The following FLYWCH1 variants were observed in gnomAD, a reference collection of about 807,000 sequenced individuals.
FLYWCH1 encodes the protein FLYWCH-type zinc finger-containing protein 1.
FLYWCH1 carries 75 observed loss-of-function variants against 66.4 expected under a neutral mutation model. The observed-to-expected ratio is 1.13, with a 90% CI of 0.94 to 1.37. The LOEUF is 1.37. Ranked by LOEUF, FLYWCH1 falls within the 40% of genes most tolerant of loss-of-function variation. FLYWCH1 has a pLI of 0.00. For missense variants in FLYWCH1, 1,334 were observed against 1,001.8 expected, an observed-to-expected ratio of 1.33 and a Z score of -4.48; for synonymous variants, 595 against 429.9, an observed-to-expected ratio of 1.38 and a Z score of -4.75.
intron 4 of FLYWCH1, among the ~76,000 whole-genome samples, chr16:2,932,308 G>A (rs2070793420): frequency 6.6e-6 from 1 of 151,254 alleles, no homozygotes; most frequent in African/African-American, 2.4e-5. Flanking sequence ...ATGGCTGGTG[G>A]GAGAGTCTTG....
intron 2 of FLYWCH1, among the ~76,000 whole-genome samples, chr16:2,923,488 C>T (rs964059993): frequency 5.3e-5 from 8 of 152,084 alleles, no homozygotes; most frequent in Non-Finnish European, 8.8e-5. Context: ...TCAGGTGATC[C>T]GCCCGCCTCA....
chr16:2,930,887 A>G lies in FLYWCH1; in HGVS notation c.796+7A>G. The G allele has an allele frequency of 6.3e-7, 1 of 1,578,792 alleles. No individual in the cohort carries two copies. Among genetic ancestry groups the G allele is most frequent in the Non-Finnish European group, 8.6e-7 (1 of 1,167,912 alleles). ...CGCTCGATCCTGGGGCTGGGTGAGT[A>G]CAATCCACTCCCCTGCTGCGTCCAC... On this transcript the variant is annotated splice_region_variant and intron_variant, in intron 4 of 9. Transcript: ENST00000253928.
At chr16:2,943,819 C>T (rs143475421) in intron 9 of FLYWCH1, among the ~76,000 whole-genome samples, 1 of 152,008 alleles carries the variant, frequency 6.6e-6, no homozygotes, top group Admixed American at 6.6e-5. Flanking sequence ...CACCCGTAAT[C>T]CCAGCTACTT....
rs544412540 is a variant in FLYWCH1, at chr16:2,949,422, G to C, written c.*695G>C. On this transcript the variant is annotated 3_prime_UTR_variant, in exon 10 of 10. Coordinates refer to ENST00000253928, the MANE Select transcript of FLYWCH1 (RefSeq NM_001308068.2). The stretch of plus-strand genomic sequence containing the variant: ...ATTCCCGAGATGGGAGCCAGTCCAG[G>C]GGTCAGCAGGAGCCAGCGCTGGGCA... 6.6e-6 allele frequency: 1 copy of C among 152,448 alleles called. No homozygotes were observed. Among genetic ancestry groups the C allele is most frequent in the Non-Finnish European group, 1.5e-5 (1 of 68,262 alleles). 9.4% of individuals were successfully genotyped at this position (152,448 alleles called of 1,614,324 possible).
chr16:2,923,891 T>A (rs960059398), intron 2 of FLYWCH1, among the ~76,000 whole-genome samples: 1 of 151,862 alleles, frequency 6.6e-6, no homozygotes, highest in Non-Finnish European at 1.5e-5. Context: ...ATACAAAAAT[T>A]AGCCAGGCAT....
At chr16:2,937,736 T>C (rs1596387919) in intron 7 of FLYWCH1, among the ~76,000 whole-genome samples, 2 of 152,126 alleles carry the variant, frequency 1.3e-5, no homozygotes. Flanking sequence ...CCCACACTGC[T>C]TCTAGTCTCA....
rs562581608 is a variant in FLYWCH1 at position 2,946,735 on chromosome 16, A to G, written c.2112-1953A>G. The stretch of plus-strand genomic sequence containing the variant: ...CTGCCATGAATTCAAAGATATACAA[A>G]TGGCCGATAGGGATAGATTCTCAAC... On this transcript the variant is annotated intron_variant, in intron 9 of 9. Transcript: ENST00000253928. 3.3e-5 allele frequency among the ~76,000 whole-genome samples: 5 copies of G among 152,286 alleles called. No individual in the cohort carries two copies. The South Asian group carries it at 1.0e-3, about 32-fold the overall frequency.
chr16:2,948,413 A>T (rs79973978), intron 9 of FLYWCH1, among the ~76,000 whole-genome samples: 1 of 151,862 alleles, frequency 6.6e-6, no homozygotes, highest in East Asian at 1.9e-4. Flanking sequence ...CAAAAAAAAA[A>T]TTAGCTGAGC....
chr16:2,927,022 C>A (rs192950315), intron 2 of FLYWCH1, among the ~76,000 whole-genome samples: 2 of 152,180 alleles, frequency 1.3e-5, no homozygotes, highest in Admixed American at 6.5e-5. Flanking sequence ...AAAACCCAAC[C>A]GCCATTAGCT....
intron 2 of FLYWCH1, among the ~76,000 whole-genome samples, 181 bp from the exon 3 acceptor site, chr16:2,929,432 C>T (rs1427754128): frequency 3.9e-5 from 6 of 152,062 alleles, no homozygotes; most frequent in Non-Finnish European, 5.9e-5. Flanking sequence ...ATGGGGCTGA[C>T]GTACCTAAGG....
At chr16:2,922,627 A>G (rs746721645) in intron 2 of FLYWCH1, 1 of 404,438 alleles carries the variant, frequency 2.5e-6, no homozygotes, top group Non-Finnish European at 4.8e-6. Flanking sequence ...AAAGATATAC[A>G]TATATTTAGA....
chr16:2,934,556 C>G (rs1713017833), intron 6 of FLYWCH1: 1 of 443,182 alleles, frequency 2.3e-6, no homozygotes, highest in Non-Finnish European at 4.5e-6. Flanking sequence ...TAGCGTCTGG[C>G]TGAGGAGCCA....
intron 6 of FLYWCH1, chr16:2,936,913 C>T: frequency 1.4e-6 from 1 of 696,856 alleles, no homozygotes; most frequent in Non-Finnish European, 2.4e-6. Context: ...GGGGCCTCAC[C>T]TGACCAGTCC....
chr16:2,933,415 A>G lies in FLYWCH1; in HGVS notation c.1082A>G (p.Gln361Arg). The G allele has an allele frequency of 6.2e-7, 1 of 1,601,684 alleles. No homozygotes were observed. The highest frequency in any genetic ancestry group is 8.5e-7 in the Non-Finnish European group (1 of 1,174,914). The part of the protein sequence containing the change: ...LQAGQDGPGS[Q>R]VDTLLRGVDS... ...GCTGGGCAGGACGGCCCTGGGAGCC[A>G]AGTGGACACGCTGCTCCGAGGCGTG... The change falls in exon 5 of 10, where the codon CAA (glutamine) becomes CGA (arginine). Residue 361 changes from glutamine (Q) to arginine (R), a missense_variant. Transcript: ENST00000253928.
rs1320503128 is a variant in FLYWCH1 at position 2,950,576 on chromosome 16, C to T, written c.*1849C>T. 6.6e-6 allele frequency: 1 copy of T among 152,518 alleles called. No individual in the cohort carries two copies. The highest frequency in any genetic ancestry group is 1.5e-5 in the Non-Finnish European group (1 of 68,270). 9.4% of individuals were successfully genotyped at this position (152,518 alleles called of 1,614,324 possible). ...AGCCTGCGCCCTCCACCTGTGGGCTCCTTGCCTCTGTGATGGGGCCTCCAC... is the reference window on the plus strand; with the variant it reads ...AGCCTGCGCCCTCCACCTGTGGGCTTCTTGCCTCTGTGATGGGGCCTCCAC... On this transcript the variant is annotated 3_prime_UTR_variant, in exon 10 of 10. Coordinates refer to ENST00000253928, the MANE Select transcript of FLYWCH1 (RefSeq NM_001308068.2).
At chr16:2,943,764 T>G (rs2071366620) in intron 9 of FLYWCH1, among the ~76,000 whole-genome samples, 1 of 151,266 alleles carries the variant, frequency 6.6e-6, no homozygotes, top group Non-Finnish European at 1.5e-5. Context: ...AGTGAAACTC[T>G]GTCTCTACTC....
intron 2 of FLYWCH1, among the ~76,000 whole-genome samples, chr16:2,918,730 C>G (rs1029674400): frequency 6.6e-6 from 1 of 152,026 alleles, no homozygotes; most frequent in Non-Finnish European, 1.5e-5. Flanking sequence ...CGTGAACCAC[C>G]GTGCCTGGCC....
intron 2 of FLYWCH1, among the ~76,000 whole-genome samples, chr16:2,918,655 G>C (rs926928455): frequency 2.7e-5 from 4 of 148,992 alleles, no homozygotes; most frequent in Non-Finnish European, 5.9e-5. Flanking sequence ...TAGTCAGGCT[G>C]GTCTCAAACT....
intron 9 of FLYWCH1, among the ~76,000 whole-genome samples, chr16:2,948,034 A>G (rs1277483399): frequency 6.6e-6 from 1 of 151,080 alleles, no homozygotes; most frequent in Admixed American, 6.6e-5. Context: ...GAGTGACACC[A>G]TATCTCAAAA....
Sources: allele counts gnomAD v4.1 joint callset (sites outside exome capture counted in the v4.1 genomes callset), GRCh38; gene constraint gnomAD v4.1.1; transcripts MANE v1.5; gene names NCBI Gene and HGNC (gene_info 2026-07-23, HGNC 2026-07-21).